The following UPF2 variants were observed in gnomAD, a reference collection of about 807,000 sequenced individuals.
UPF2 encodes regulator of nonsense transcripts 2.
UPF2 carries 17 observed loss-of-function variants against 141.4 expected under a neutral mutation model. The ratio of observed to expected loss-of-function variants is 0.12; its 90% confidence interval spans 0.08 to 0.18. UPF2 has a LOEUF of 0.18. Ranked by LOEUF, UPF2 falls within the 10% of genes least tolerant of loss-of-function variation. The pLI is 1.00. For missense variants in UPF2, 1,152 were observed against 1,515.9 expected, an observed-to-expected ratio of 0.76 and a Z score of 3.99; for synonymous variants, 540 against 498.0, an observed-to-expected ratio of 1.08 and a Z score of -1.12.
rs144569503 is a variant in UPF2 at position 12,027,526 on chromosome 10, T to C, written c.1145+1219A>G. Among the ~76,000 whole-genome samples the C allele has an allele frequency of 1.3e-4, 20 of 152,324 alleles. No individual in the cohort carries two copies. In the East Asian group the frequency reaches 3.9e-3, roughly 29 times the overall value. The stretch of plus-strand genomic sequence containing the variant: ...AAGTATGAATAAAGCACCACCATAA[T>C]CCTTTTTAGTCCATTACTGATGGTA... On this transcript the variant is annotated intron_variant, in intron 3 of 21. Coordinates refer to ENST00000357604, the MANE Select transcript of UPF2 (RefSeq NM_015542.4).
At position 11,952,111 on chromosome 10, in the gene UPF2, T is replaced by C. The variant is rs1833082463; in HGVS notation, c.2989A>G (p.Ile997Val). ...CGTTCCAAGTCTTGTACCTGCCTGA[T>C]GGATTCTTCCAGAGAATTACAGAGT... ...IKLCNSLEESIRQVQDLEREF... is the reference protein window; with the variant it reads ...IKLCNSLEESVRQVQDLEREF... Residue 997 changes from isoleucine to valine, a missense_variant, in exon 15 of 22, where the codon ATC (isoleucine) becomes GTC (valine). Around this residue, in one of 4 missense-constraint regions of UPF2, gnomAD observed 202 missense variants for 223.6 expected, o/e 0.90. Transcript: ENST00000357604. 5.0e-6 allele frequency: 8 copies of C among 1,614,022 alleles called. No individual in the cohort carries two copies. The highest frequency in any genetic ancestry group is 6.8e-6 in the Non-Finnish European group (8 of 1,180,008).
chr10:11,975,144 G>A lies in UPF2; in HGVS notation c.1953+3913C>T, dbSNP rs181827394. ...GGCGTGTTGGCATGCGCCTGTAGTC[G>A]TAGTTACTTGGGAGGCTAAAACAGG... On this transcript the variant is annotated intron_variant, in intron 9 of 21. Transcript: ENST00000357604. Among the ~76,000 whole-genome samples the A allele has an allele frequency of 1.1e-3, 163 of 152,270 alleles. 2 individuals carry two copies. In the East Asian group the frequency reaches 0.028, roughly 26 times the overall value.
Position 11,921,037 on chromosome 10 carries a change from G to A in UPF2, c.*261C>T, listed in dbSNP as rs745810041. On this transcript the variant is annotated 3_prime_UTR_variant, in exon 22 of 22. Coordinates refer to ENST00000357604, the MANE Select transcript of UPF2 (RefSeq NM_015542.4). The surrounding 1 kb of genome is among the most constrained non-coding windows in gnomAD (Gnocchi z 5.9). ...AAGTGAACCATCTCATTTCTTGACT[G>A]CCATTCTCAAGAGAAGATTAACCCT... is the stretch of plus-strand genomic sequence containing the variant. The A allele has an allele frequency of 4.2e-6, 3 of 706,584 alleles. No individual in the cohort carries two copies. The highest frequency in any genetic ancestry group is 4.1e-5 in the South Asian group (3 of 73,096). 43.8% of individuals were successfully genotyped at this position (706,584 alleles called of 1,614,324 possible).
chr10:11,921,444 A>G lies in UPF2; in HGVS notation c.3810-137T>C, dbSNP rs1832643629. 2 of 891,962 alleles carry G rather than the reference A, an allele frequency of 2.2e-6. No homozygotes were observed. The highest frequency in any genetic ancestry group is 3.6e-6 in the Non-Finnish European group (2 of 560,920). 55.3% of individuals were successfully genotyped at this position (891,962 alleles called of 1,614,324 possible). A position where few individuals can be genotyped will look rare whatever the true frequency, so the allele number is the denominator to read the frequency against. On this transcript the variant is annotated intron_variant, in intron 21 of 21. Transcript: ENST00000357604. This position sits in a 1 kb window ranked among gnomAD's most constrained non-coding sequence, Gnocchi z 5.9. ...GGTGGCCCTGGCATCTGCGGGTTCC[A>G]CATCCATGGACCAAAAATATTCGGG...
At position 11,993,811 on chromosome 10, in the gene UPF2, C is replaced by CA. The variant is rs748701619; in HGVS notation, c.1844+3860dup. Among the ~76,000 whole-genome samples, 454 of 143,928 alleles carry CA rather than the reference C, an allele frequency of 3.2e-3. 1 individual carries two copies. Among genetic ancestry groups the CA allele is most frequent in the South Asian group, 0.015 (70 of 4,534 alleles). 94.4% of individuals were successfully genotyped at this position (143,928 alleles called of 152,430 possible). ...CAATATAACAAGACCTCGACCCTAC[C>CA]AAAAAAAAAAAATTAATTAATGTAA... is the stretch of plus-strand genomic sequence containing the variant. On this transcript the variant is annotated intron_variant, in intron 8 of 21. Coordinates refer to ENST00000357604, the MANE Select transcript of UPF2 (RefSeq NM_015542.4).
intron 1 of UPF2, among the ~76,000 whole-genome samples, chr10:12,038,378 T>TCACTCA (rs71380802): frequency 0.18 from 24,643 of 135,776 alleles, 2,715 homozygotes; most frequent in Non-Finnish European, 0.25. Flanking sequence ...AGACTCCATC[T>TCACTCA]CACACACACA....
intron 8 of UPF2, among the ~76,000 whole-genome samples, chr10:11,997,316 C>A (rs1185421451): frequency 6.6e-6 from 1 of 151,946 alleles, no homozygotes; most frequent in Non-Finnish European, 1.5e-5. Context: ...ATTACATTAC[C>A]CTCATCTTTG....
At chr10:11,981,012 A>C (rs1833582656) in intron 8 of UPF2, among the ~76,000 whole-genome samples, 1 of 151,754 alleles carries the variant, frequency 6.6e-6, no homozygotes, top group Admixed American at 6.6e-5. Flanking sequence ...ACATGGTGAA[A>C]CCCCCATCTC....
intron 11 of UPF2, among the ~76,000 whole-genome samples, chr10:11,961,952 C>T (rs550578456): frequency 4.6e-5 from 7 of 152,106 alleles, no homozygotes; most frequent in African/African-American, 1.2e-4. Flanking sequence ...CCTATACTGA[C>T]GCATCTCTGT....
chr10:11,993,149 CAA>C (rs561323595), intron 8 of UPF2, among the ~76,000 whole-genome samples: 57 of 80,544 alleles, frequency 7.1e-4, no homozygotes, highest in South Asian at 1.3e-3. Flanking sequence ...GGCTCCACCT[CAA>C]AAAAAAAAAA....
intron 9 of UPF2, among the ~76,000 whole-genome samples, chr10:11,968,598 G>A (rs1204189753): frequency 6.9e-6 from 1 of 145,566 alleles, no homozygotes; most frequent in Non-Finnish European, 1.5e-5. Flanking sequence ...TATAATCACT[G>A]TTCTTTTTTA....
chr10:11,951,719 T>C (rs1390970428), intron 15 of UPF2, among the ~76,000 whole-genome samples: 1 of 152,222 alleles, frequency 6.6e-6, no homozygotes, highest in East Asian at 1.9e-4. Flanking sequence ...GTTGAAAATA[T>C]ATACGCAAAA....
In UPF2 at chr10:11,936,361, T is replaced by C. The variant is rs11815531; in HGVS notation, c.3546+184A>G. Among the ~76,000 whole-genome samples the C allele has an allele frequency of 2.2e-3, 329 of 149,762 alleles. No homozygotes were observed. Among genetic ancestry groups the C allele is most frequent in the African/African-American group, 7.7e-3 (314 of 40,552 alleles). ...GCCTGGGCGACAAAGTGAGACGCCG[T>C]CTCAAAAAAAACAAAAACAAAAACA... On this transcript the variant is annotated intron_variant, in intron 19 of 21. Transcript: ENST00000357604. This position sits in a 1 kb window ranked among gnomAD's most constrained non-coding sequence, Gnocchi z 6.6.
Position 11,956,146 on chromosome 10 carries a change from C to CAAA in UPF2, c.2574+171_2574+173dup, listed in dbSNP as rs541233909. Reference sequence around the variant, plus strand: ...TGGGTGACACAGCGAGACTCAGTCTCAAAAAAAAAAAAAAAAGAGGAAAGT... The same window carrying CAAA: ...TGGGTGACACAGCGAGACTCAGTCTCAAAAAAAAAAAAAAAAAAAGAGGAAAGT... On this transcript the variant is annotated intron_variant, in intron 13 of 21. Transcript: ENST00000357604. This position sits in a 1 kb window ranked among gnomAD's most constrained non-coding sequence, Gnocchi z 4.2. Among the ~76,000 whole-genome samples the CAAA allele has an allele frequency of 5.8e-5, 5 of 85,640 alleles. No homozygotes were observed. The highest frequency in any genetic ancestry group is 1.4e-4 in the African/African-American group (3 of 20,984). 56.2% of individuals were successfully genotyped at this position (85,640 alleles called of 152,430 possible).
Position 11,936,463 on chromosome 10 carries a change from TC to T in UPF2, c.3546+81del. The T allele has an allele frequency of 7.1e-7, 1 of 1,406,346 alleles. No homozygotes were observed. Among genetic ancestry groups the T allele is most frequent in the South Asian group, 1.6e-5 (1 of 62,966 alleles). The allele number at this position is 1,406,346 out of a possible 1,614,324, so 87.1% of individuals were successfully genotyped here. A position where few individuals can be genotyped will look rare whatever the true frequency, so the allele number is the denominator to read the frequency against. On this transcript the variant is annotated intron_variant, in intron 19 of 21. Coordinates refer to ENST00000357604, the MANE Select transcript of UPF2 (RefSeq NM_015542.4). This position sits in a 1 kb window ranked among gnomAD's most constrained non-coding sequence, Gnocchi z 6.6. The stretch of plus-strand genomic sequence containing the variant: ...ATGGTTTAAAACTGTCCAACCCTTA[TC>T]CCCTTGTAGGTCAAAGATAAGTTAA...
In UPF2 at chr10:11,984,365, C is replaced by T. The variant is rs74487189; in HGVS notation, c.1845-5200G>A. 5.9e-3 allele frequency among the ~76,000 whole-genome samples: 900 copies of T among 151,976 alleles called. 8 individuals carry two copies. The highest frequency in any genetic ancestry group is 0.02 in the African/African-American group (846 of 41,410). On this transcript the variant is annotated intron_variant, in intron 8 of 21. Transcript: ENST00000357604. ...TGGTTTTAAAATATTTTAAGCGTATCATCTGCTCATTTCTTAAACTTTTTA... is the reference window on the plus strand; with the variant it reads ...TGGTTTTAAAATATTTTAAGCGTATTATCTGCTCATTTCTTAAACTTTTTA...
rs1833567767 is a variant in UPF2 at position 11,980,081 on chromosome 10, TG to T, written c.1845-917del. 6.6e-6 allele frequency among the ~76,000 whole-genome samples: 1 copy of T among 152,166 alleles called. No individual in the cohort carries two copies. Among genetic ancestry groups the T allele is most frequent in the Admixed American group, 6.5e-5 (1 of 15,288 alleles). On this transcript the variant is annotated intron_variant, in intron 8 of 21. Transcript: ENST00000357604. This position sits in a 1 kb window ranked among gnomAD's most constrained non-coding sequence, Gnocchi z 4.2. ...AATGGCAAATATGTGGCACTCACAC[TG>T]CCACCCTCTTCCATTGTCAAAGCAC... is the stretch of plus-strand genomic sequence containing the variant.
intron 18 of UPF2, among the ~76,000 whole-genome samples, chr10:11,937,333 C>T (rs996565169): frequency 3.3e-5 from 5 of 152,206 alleles, no homozygotes; most frequent in South Asian, 2.1e-4. Flanking sequence ...AGCCTCTACA[C>T]TCAAAGAGCT....
intron 1 of UPF2, chr10:12,035,873 T>A (rs1834616652): frequency 1.3e-5 from 2 of 152,904 alleles, no homozygotes; most frequent in African/African-American, 4.8e-5. Context: ...CTATTTCATA[T>A]AATATTCAAT....
Sources: gnomAD v4.1 joint callset for allele counts (sites outside exome capture counted in the v4.1 genomes callset) on GRCh38, gnomAD v4.1.1 for gene constraint, gnomAD v4.1.1 regional missense constraint, Gnocchi (gnomAD v3.1) non-coding constraint, MANE v1.5 for transcripts, NCBI Gene and HGNC (gene_info 2026-07-23, HGNC 2026-07-21) for gene names.